KIRREL3: variants seen among roughly 807,000 people sequenced by gnomAD.
The protein encoded by KIRREL3 is kirre like nephrin family adhesion molecule 3.
A neutral mutation model predicts 89.7 loss-of-function variants in KIRREL3; 36 were observed. The ratio of observed to expected loss-of-function variants is 0.40; its 90% CI spans 0.31 to 0.53. The LOEUF is 0.53. KIRREL3 is among the 20% of genes least tolerant of loss of function. The pLI, the probability that KIRREL3 is intolerant of heterozygous loss-of-function variation, is 0.49. For synonymous variants in KIRREL3, 445 were observed against 441.4 expected, an observed-to-expected ratio of 1.01 and a Z score of -0.10; for missense variants, 864 against 1,056.6, an observed-to-expected ratio of 0.82 and a Z score of 2.53.
rs925523935 is a variant in KIRREL3 at position 126,754,346 on chromosome 11, C to G, written c.56-191434G>C. On this transcript the variant is annotated intron_variant, in intron 1 of 16. Coordinates refer to ENST00000525144, the MANE Select transcript of KIRREL3 (RefSeq NM_032531.4). This position sits in a 1 kb window ranked among gnomAD's most constrained non-coding sequence, Gnocchi z 5.1. ...AAAATAAAGATGTTCACTGCTGAAA[C>G]AGCATTCCTCAGAACGTACCTCTCT... Among the ~76,000 whole-genome samples, 5 of 152,264 alleles carry G rather than the reference C, an allele frequency of 3.3e-5. No homozygotes were observed. The highest frequency in any genetic ancestry group is 1.9e-4 in the East Asian group (1 of 5,178).
chr11:126,426,337 C>T (rs1301000728), intron 15 of KIRREL3, among the ~76,000 whole-genome samples: 5 of 152,176 alleles, frequency 3.3e-5, no homozygotes, highest in Non-Finnish European at 7.3e-5. Context: ...TGCCAAACAG[C>T]CTGAGGGCAA....
rs541854542 is a variant in KIRREL3, at chr11:126,514,485, A to G, written c.433+6830T>C. The stretch of plus-strand genomic sequence containing the variant: ...AGGAAGCAAAGTCTGATCCCCCGGG[A>G]TGCAGGGGTTGCTTGTTGGTGTCTC... On this transcript the variant is annotated intron_variant, in intron 4 of 16. Coordinates refer to ENST00000525144, the MANE Select transcript of KIRREL3 (RefSeq NM_032531.4). Among the ~76,000 whole-genome samples, 120 of 152,274 alleles carry G rather than the reference A, an allele frequency of 7.9e-4. 1 individual carries two copies. Among genetic ancestry groups the G allele is most frequent in the Admixed American group, 3.3e-3 (51 of 15,294 alleles).
At chr11:126,545,746 G>T (rs1477325075) in intron 2 of KIRREL3, among the ~76,000 whole-genome samples, 1 of 152,232 alleles carries the variant, frequency 6.6e-6, no homozygotes, top group Non-Finnish European at 1.5e-5. Flanking sequence ...TGAGGGCCCA[G>T]ACAGAAGGTG....
rs1951480694 is a variant in KIRREL3, at chr11:126,814,052, T to C, written c.55+186403A>G. Among the ~76,000 whole-genome samples, 1 of 151,672 alleles carries C rather than the reference T, an allele frequency of 6.6e-6. No individual in the cohort carries two copies. The highest frequency in any genetic ancestry group is 2.1e-4 in the South Asian group (1 of 4,802). On this transcript the variant is annotated intron_variant, in intron 1 of 16. Coordinates refer to ENST00000525144, the MANE Select transcript of KIRREL3 (RefSeq NM_032531.4). This position sits in a 1 kb window ranked among gnomAD's most constrained non-coding sequence, Gnocchi z 4.4. ...TAATATCCAGAGTCTACAAGGAACT[T>C]AAATTTACAAGAAAAAAAAACCCGG... is the stretch of plus-strand genomic sequence containing the variant.
At chr11:126,478,771 ATG>A (rs1378707954) in intron 4 of KIRREL3, among the ~76,000 whole-genome samples, 1 of 151,680 alleles carries the variant, frequency 6.6e-6, no homozygotes, top group Admixed American at 6.6e-5. Flanking sequence ...GTGTGTGTAT[ATG>A]TGTGTTTGTG....
chr11:126,552,388 C>T (rs1434087256), intron 2 of KIRREL3, among the ~76,000 whole-genome samples: 4 of 152,062 alleles, frequency 2.6e-5, no homozygotes, highest in African/African-American at 9.7e-5. Flanking sequence ...TTTTGCTAGA[C>T]AGGGTGAAGG....
intron 1 of KIRREL3, among the ~76,000 whole-genome samples, chr11:126,893,939 G>A (rs981277481): frequency 1.3e-5 from 2 of 152,172 alleles, no homozygotes; most frequent in Admixed American, 6.5e-5. Flanking sequence ...CCAGAGCCGC[G>A]TGTGACTTGG....
intron 1 of KIRREL3, among the ~76,000 whole-genome samples, chr11:126,875,384 CAG>C (rs1291771306): frequency 6.6e-6 from 1 of 152,172 alleles, no homozygotes; most frequent in Non-Finnish European, 1.5e-5. Flanking sequence ...ATATATGAAA[CAG>C]AGCTTTTAAG....
In KIRREL3 at chr11:126,977,335, C is replaced by A. The variant is rs934984751; in HGVS notation, c.55+23120G>T. Among the ~76,000 whole-genome samples the A allele has an allele frequency of 6.6e-6, 1 of 152,168 alleles. No homozygotes were observed. Among genetic ancestry groups the A allele is most frequent in the African/African-American group, 2.4e-5 (1 of 41,442 alleles). On this transcript the variant is annotated intron_variant, in intron 1 of 16. Coordinates refer to ENST00000525144, the MANE Select transcript of KIRREL3 (RefSeq NM_032531.4). This position sits in a 1 kb window ranked among gnomAD's most constrained non-coding sequence, Gnocchi z 4.7. ...CTTCATCAGGATCATTCGTTTGGTG[C>A]TGTCAAAACACTGAAGCTGCCATCT...
At chr11:126,456,175 C>CCACACGG (rs1956337536) in intron 7 of KIRREL3, among the ~76,000 whole-genome samples, 174 bp downstream of exon 7, 3 of 150,374 alleles carry the variant, frequency 2.0e-5, no homozygotes, top group Admixed American at 2.0e-4. Context: ...GAGGAAGGGT[C>CCACACGG]CACACGGCTA....
intron 1 of KIRREL3, among the ~76,000 whole-genome samples, chr11:126,760,613 T>C (rs929844675): frequency 1.1e-4 from 17 of 152,234 alleles, no homozygotes; most frequent in African/African-American, 4.1e-4. Flanking sequence ...GAGCAGGACA[T>C]GGGTAAGTGG....
chr11:126,954,546 C>T lies in KIRREL3; in HGVS notation c.55+45909G>A, dbSNP rs905369665. On this transcript the variant is annotated intron_variant, in intron 1 of 16. Transcript: ENST00000525144. The surrounding 1 kb of genome is among the most constrained non-coding windows in gnomAD (Gnocchi z 4.1). Reference sequence around the variant, plus strand: ...GTCCTCCTCTAGGCCTTTATCCAAGCTGGGTAGAACAGATGGCCCAGAAAG... The same window carrying T: ...GTCCTCCTCTAGGCCTTTATCCAAGTTGGGTAGAACAGATGGCCCAGAAAG... Among the ~76,000 whole-genome samples, 2 of 151,952 alleles carry T rather than the reference C, an allele frequency of 1.3e-5. No individual in the cohort carries two copies. The highest frequency in any genetic ancestry group is 4.8e-5 in the African/African-American group (2 of 41,368).
rs1950649504 is a variant in KIRREL3 at position 126,791,804 on chromosome 11, G to T, written c.55+208651C>A. On this transcript the variant is annotated intron_variant, in intron 1 of 16. Coordinates refer to ENST00000525144, the MANE Select transcript of KIRREL3 (RefSeq NM_032531.4). The surrounding 1 kb of genome is among the most constrained non-coding windows in gnomAD (Gnocchi z 4.8). ...CTTTGCTTGTAGACACCTTTTAGCAGGTGGAGGGACAGTTGTGGGGCTGTA... is the reference window on the plus strand; with the variant it reads ...CTTTGCTTGTAGACACCTTTTAGCATGTGGAGGGACAGTTGTGGGGCTGTA... Among the ~76,000 whole-genome samples, 1 of 152,212 alleles carries T rather than the reference G, an allele frequency of 6.6e-6. No individual in the cohort carries two copies. Among genetic ancestry groups the T allele is most frequent in the Non-Finnish European group, 1.5e-5 (1 of 68,052 alleles).
chr11:126,857,637 T>C (rs1197008022), intron 1 of KIRREL3, among the ~76,000 whole-genome samples: 2 of 152,082 alleles, frequency 1.3e-5, no homozygotes, highest in Non-Finnish European at 2.9e-5. Context: ...TTCATGGTCA[T>C]ATGTCTTAAA....
In KIRREL3 at chr11:126,776,261, A is replaced by T. The variant is rs1200536909; in HGVS notation, c.56-213349T>A. On this transcript the variant is annotated intron_variant, in intron 1 of 16. Coordinates refer to ENST00000525144, the MANE Select transcript of KIRREL3 (RefSeq NM_032531.4). This position sits in a 1 kb window ranked among gnomAD's most constrained non-coding sequence, Gnocchi z 4.7. ...CATTCATGCTCTTTGAACAGGGAGG[A>T]GCTGGAGGACTTGGAAGGGAATGTG... is the stretch of plus-strand genomic sequence containing the variant. Among the ~76,000 whole-genome samples, 1 of 152,018 alleles carries T rather than the reference A, an allele frequency of 6.6e-6. No individual in the cohort carries two copies. The highest frequency in any genetic ancestry group is 1.5e-5 in the Non-Finnish European group (1 of 68,002).
Position 126,704,505 on chromosome 11 carries a change from C to T in KIRREL3, c.56-141593G>A, listed in dbSNP as rs1232685424. Among the ~76,000 whole-genome samples the T allele has an allele frequency of 6.6e-6, 1 of 152,220 alleles. No individual in the cohort carries two copies. Among genetic ancestry groups the T allele is most frequent in the Non-Finnish European group, 1.5e-5 (1 of 68,046 alleles). On this transcript the variant is annotated intron_variant, in intron 1 of 16. Transcript: ENST00000525144. This position sits in a 1 kb window ranked among gnomAD's most constrained non-coding sequence, Gnocchi z 4.2. ...TCTGAGAGACCTTGGTGGAGTGCAG[C>T]TTCAGCATTTGGGGCCACAGCTCTG...
At position 126,664,608 on chromosome 11, in the gene KIRREL3, G is replaced by A. The variant is rs1386934481; in HGVS notation, c.56-101696C>T. On this transcript the variant is annotated intron_variant, in intron 1 of 16. Transcript: ENST00000525144. The surrounding 1 kb of genome is among the most constrained non-coding windows in gnomAD (Gnocchi z 5.4). ...CATTTCTACAGCAGAGCTGCCCAGA[G>A]GATCACCATTGTTACCAGCTCCGAT... Among the ~76,000 whole-genome samples the A allele has an allele frequency of 6.6e-6, 1 of 152,194 alleles. No homozygotes were observed. Among genetic ancestry groups the A allele is most frequent in the Non-Finnish European group, 1.5e-5 (1 of 68,044 alleles).
intron 1 of KIRREL3, among the ~76,000 whole-genome samples, chr11:126,937,843 G>A (rs1421659178): frequency 6.6e-6 from 1 of 152,202 alleles, no homozygotes; most frequent in African/African-American, 2.4e-5. Context: ...AGCTTGCAGT[G>A]AGCAGGAATT....
At chr11:126,730,880 A>T (rs1948591412) in intron 1 of KIRREL3, among the ~76,000 whole-genome samples, 1 of 152,128 alleles carries the variant, frequency 6.6e-6, no homozygotes, top group Non-Finnish European at 1.5e-5. Flanking sequence ...CTGGGACTAC[A>T]GGCACCTGCC....
Sources: gnomAD v4.1 joint callset for allele counts (sites outside exome capture counted in the v4.1 genomes callset) on GRCh38, gnomAD v4.1.1 for gene constraint, Gnocchi (gnomAD v3.1) non-coding constraint, MANE v1.5 for transcripts, NCBI Gene and HGNC (gene_info 2026-07-23, HGNC 2026-07-21) for gene names.